POU6F2: variants seen among roughly 807,000 people sequenced by gnomAD.
POU6F2 encodes POU domain, class 6, transcription factor 2.
A neutral mutation model predicts 71.3 loss-of-function variants in POU6F2; 31 were observed. The observed-to-expected ratio is 0.43, with a 90% CI of 0.33 to 0.59. The LOEUF is 0.59. POU6F2 is among the 20% of genes least tolerant of loss of function. POU6F2 has a pLI of 0.04. For missense variants in POU6F2, 783 were observed against 856.8 expected (o/e 0.91, Z 1.07); for synonymous variants, 347 against 355.7 (o/e 0.98, Z 0.27).
chr7:39,406,485 G>C, intron 5 of POU6F2, 115 bp from the exon 6 acceptor site: 2 of 1,275,694 alleles, frequency 1.6e-6, no homozygotes, highest in Non-Finnish European at 2.2e-6. Context: ...TGGGTTCCAG[G>C]CCCTTTGCAT....
chr7:39,007,763 G>A (rs1789123122), intron 1 of POU6F2, among the ~76,000 whole-genome samples: 2 of 151,482 alleles, frequency 1.3e-5, no homozygotes, highest in Admixed American at 6.6e-5. Flanking sequence ...ACCTATGAGT[G>A]AGAATATGCG....
intron 9 of POU6F2, among the ~76,000 whole-genome samples, chr7:39,461,673 AG>A (rs1288834766): frequency 6.6e-6 from 1 of 152,224 alleles, no homozygotes; most frequent in African/African-American, 2.4e-5. Flanking sequence ...AAATAACATC[AG>A]TATGGGGTAG....
At chr7:39,097,483 A>G (rs1378839667) in intron 2 of POU6F2, among the ~76,000 whole-genome samples, 1 of 152,174 alleles carries the variant, frequency 6.6e-6, no homozygotes, top group Non-Finnish European at 1.5e-5. Context: ...AGTGTTTTGA[A>G]ACTGGATTTC....
chr7:39,204,703 G>T (rs4294102), intron 3 of POU6F2, among the ~76,000 whole-genome samples: 2 of 152,052 alleles, frequency 1.3e-5, no homozygotes, highest in Admixed American at 1.3e-4. Context: ...TTTTGAAATA[G>T]AAGATGTGAT....
chr7:39,454,143 G>A (rs375427811), intron 8 of POU6F2, among the ~76,000 whole-genome samples: 19 of 152,244 alleles, frequency 1.2e-4, no homozygotes, highest in African/African-American at 4.1e-4. Flanking sequence ...ATATGATAAA[G>A]AATACAGATG....
chr7:39,310,129 C>A (rs958475738), intron 4 of POU6F2, among the ~76,000 whole-genome samples: 3 of 152,032 alleles, frequency 2.0e-5, no homozygotes, highest in African/African-American at 7.2e-5. Context: ...CTAGGGCAAT[C>A]CAGAGTATAT....
chr7:39,410,478 T>C (rs1787529415), intron 6 of POU6F2, among the ~76,000 whole-genome samples: 1 of 152,184 alleles, frequency 6.6e-6, no homozygotes, highest in Non-Finnish European at 1.5e-5. Flanking sequence ...AAAAACATCC[T>C]AGTTCTCTTT....
intron 8 of POU6F2, among the ~76,000 whole-genome samples, chr7:39,459,881 T>C (rs996628083): frequency 6.6e-6 from 1 of 152,158 alleles, no homozygotes; most frequent in Non-Finnish European, 1.5e-5. Context: ...GGAGCTTTCC[T>C]GTGGTAGGCA....
intron 2 of POU6F2, among the ~76,000 whole-genome samples, chr7:39,203,641 G>A (rs994980818): frequency 1.3e-5 from 2 of 152,216 alleles, no homozygotes; most frequent in African/African-American, 4.8e-5. Flanking sequence ...GCATGGCGGA[G>A]CTCCCTGGAG....
chr7:39,362,888 G>A (rs912890777), intron 5 of POU6F2, among the ~76,000 whole-genome samples: 2 of 152,128 alleles, frequency 1.3e-5, no homozygotes, highest in Non-Finnish European at 2.9e-5. Context: ...ATGTTTGAAA[G>A]GTTCCAGGAA....
chr7:39,188,541 G>A (rs1176339063), intron 2 of POU6F2, among the ~76,000 whole-genome samples: 1 of 152,122 alleles, frequency 6.6e-6, no homozygotes, highest in Non-Finnish European at 1.5e-5. Flanking sequence ...ACAAACTCCT[G>A]GCCTCAAGTA....
intron 3 of POU6F2, 137 bp downstream of exon 3, chr7:39,204,463 G>C (rs1190925369): frequency 3.2e-6 from 2 of 625,928 alleles, no homozygotes; most frequent in Non-Finnish European, 5.3e-6. Context: ...CGTATGAAAA[G>C]CTGTATGACT....
At chr7:39,172,480 T>C (rs1793237442) in intron 2 of POU6F2, among the ~76,000 whole-genome samples, 1 of 152,184 alleles carries the variant, frequency 6.6e-6, no homozygotes, top group African/African-American at 2.4e-5. Flanking sequence ...TAGAATCTTG[T>C]TATTTTCAAG....
At chr7:39,365,921 C>T (rs1440508209) in intron 5 of POU6F2, among the ~76,000 whole-genome samples, 1 of 152,148 alleles carries the variant, frequency 6.6e-6, no homozygotes, top group African/African-American at 2.4e-5. Context: ...TTGATCAGCA[C>T]AGTTATAGGT....
intron 7 of POU6F2, among the ~76,000 whole-genome samples, chr7:39,447,683 T>C (rs1482916531): frequency 2.0e-5 from 3 of 152,228 alleles, no homozygotes; most frequent in Non-Finnish European, 2.9e-5. Flanking sequence ...TCTGCCTTTA[T>C]AGAAGCATCT....
At chr7:39,057,637 A>G (rs1233408220) in intron 1 of POU6F2, among the ~76,000 whole-genome samples, 1 of 152,182 alleles carries the variant, frequency 6.6e-6, no homozygotes, top group African/African-American at 2.4e-5. Context: ...TGTATGCTTA[A>G]AAACTACATT....
chr7:39,408,650 A>G lies in POU6F2; in HGVS notation c.1113+1910A>G, dbSNP rs192607544. 3.3e-5 allele frequency among the ~76,000 whole-genome samples: 5 copies of G among 152,358 alleles called. No individual in the cohort carries two copies. In the East Asian group the frequency reaches 9.6e-4, roughly 29 times the overall value. On this transcript the variant is annotated intron_variant, in intron 6 of 9. Coordinates refer to ENST00000518318, the MANE Select transcript of POU6F2 (RefSeq NM_001370959.1). ...GGCATACAAACCTCTTAAAGTGGAAAAAAAATTACATTCACAGAGAAATCA... is the reference window on the plus strand; with the variant it reads ...GGCATACAAACCTCTTAAAGTGGAAGAAAAATTACATTCACAGAGAAATCA...
At chr7:39,191,563 A>G (rs1198460559) in intron 2 of POU6F2, among the ~76,000 whole-genome samples, 1 of 152,194 alleles carries the variant, frequency 6.6e-6, no homozygotes, top group Admixed American at 6.5e-5. Flanking sequence ...AAATAAGTTG[A>G]TATAACAAAT....
chr7:39,346,772 G>A (rs906883904), intron 5 of POU6F2, among the ~76,000 whole-genome samples: 1 of 152,218 alleles, frequency 6.6e-6, no homozygotes, highest in Non-Finnish European at 1.5e-5. Flanking sequence ...ATGATCACAA[G>A]TTATTTCTCA....
Sources: gnomAD v4.1 joint callset for allele counts (sites outside exome capture counted in the v4.1 genomes callset) on GRCh38, gnomAD v4.1.1 for gene constraint, MANE v1.5 for transcripts, NCBI Gene and HGNC (gene_info 2026-07-23, HGNC 2026-07-21) for gene names.